The following SNTG1 variants were observed in gnomAD, a reference collection of about 807,000 sequenced individuals.
The protein encoded by SNTG1 is gamma-1-syntrophin.
SNTG1 carries 39 observed loss-of-function variants against 74.7 expected under a neutral mutation model. The ratio of observed to expected loss-of-function variants is 0.52; its 90% CI spans 0.40 to 0.68. The LOEUF is 0.68. SNTG1 is among the 30% of genes least tolerant of loss of function. SNTG1 has a pLI of 0.00. For missense variants in SNTG1, 685 were observed against 609.5 expected (o/e 1.12, Z -1.30); for synonymous variants, 254 against 217.1 (o/e 1.17, Z -1.49).
At chr8:49,990,343 T>C (rs768620636) in intron 1 of SNTG1, among the ~76,000 whole-genome samples, 8 of 151,984 alleles carry the variant, frequency 5.3e-5, no homozygotes, top group Admixed American at 2.0e-4. Context: ...TGGCAACACG[T>C]CCCATATTGA....
intron 1 of SNTG1, among the ~76,000 whole-genome samples, chr8:50,019,649 G>A (rs1040528568): frequency 5.9e-5 from 9 of 152,006 alleles, no homozygotes; most frequent in African/African-American, 2.2e-4. Context: ...AAAGAGACCT[G>A]ATAAAACTGA....
In SNTG1 at chr8:50,402,315, T is replaced by C. The variant is rs749782733; in HGVS notation, c.133T>C (p.Cys45Arg). The C allele has an allele frequency of 4.0e-5, 65 of 1,611,272 alleles. No individual in the cohort carries two copies. Among genetic ancestry groups the C allele is most frequent in the Non-Finnish European group, 5.3e-5 (63 of 1,179,402 alleles). Residue 45 changes from cysteine to arginine, a missense_variant, in exon 4 of 19, where the codon TGT becomes CGT. Cys to Arg is a radical substitution (Grantham distance 180, BLOSUM62 -3). Transcript: ENST00000642720. ...ILMIQEQDVI[C>R]VSGEPFYSGE... The stretch of plus-strand genomic sequence containing the variant: ...GATGATCCAGGAACAGGATGTGATA[T>C]GTGTGTCTGGTGAGCCTTTCTATTC...
rs1235760407 is a variant in SNTG1, at chr8:50,119,652, T to G, written c.-102-52909T>G. Among the ~76,000 whole-genome samples, 22 of 142,012 alleles carry G rather than the reference T, an allele frequency of 1.5e-4. 4 individuals carry two copies. Among genetic ancestry groups the G allele is most frequent in the Admixed American group, 1.2e-3 (16 of 13,774 alleles). 93.2% of individuals were successfully genotyped at this position (142,012 alleles called of 152,430 possible). A position where few individuals can be genotyped will look rare whatever the true frequency, so the allele number is the denominator to read the frequency against. ...GATGAGATAATAGGTAAACAGATAA[T>G]AGCTAGCATTGAGCTAGCTAGCTAT... On this transcript the variant is annotated intron_variant, in intron 1 of 18. Transcript: ENST00000642720.
chr8:50,199,863 A>T (rs1253144593), intron 2 of SNTG1, among the ~76,000 whole-genome samples: 1 of 152,120 alleles, frequency 6.6e-6, no homozygotes. Context: ...GGGAATATTG[A>T]TTCTGAAGTG....
At chr8:50,600,343 T>C (rs2094763495) in intron 13 of SNTG1, among the ~76,000 whole-genome samples, 1 of 152,104 alleles carries the variant, frequency 6.6e-6, no homozygotes, top group South Asian at 2.1e-4. Flanking sequence ...CACTTCTCCA[T>C]TTTTTGGAAG....
At chr8:50,773,162 C>A (rs984079537) in intron 18 of SNTG1, among the ~76,000 whole-genome samples, 10 of 152,096 alleles carry the variant, frequency 6.6e-5, no homozygotes, top group Non-Finnish European at 1.3e-4. Flanking sequence ...AAATTGCTAA[C>A]CTAAGTATTT....
intron 8 of SNTG1, among the ~76,000 whole-genome samples, chr8:50,461,036 AT>A (rs1325162080): frequency 3.9e-5 from 6 of 151,978 alleles, no homozygotes; most frequent in African/African-American, 1.2e-4. Context: ...CAGAATACAC[AT>A]TGCATTTAGT....
chr8:49,998,153 C>T (rs1341182196), intron 1 of SNTG1, among the ~76,000 whole-genome samples: 1 of 152,036 alleles, frequency 6.6e-6, no homozygotes, highest in East Asian at 1.9e-4. Flanking sequence ...ACATACATAA[C>T]ATAGGTAAAG....
chr8:49,941,754 G>A (rs1563375103), intron 1 of SNTG1, among the ~76,000 whole-genome samples: 2 of 151,960 alleles, frequency 1.3e-5, no homozygotes, highest in Admixed American at 1.3e-4. Context: ...CTAATTGAAG[G>A]GTAGGAAGCT....
At chr8:50,440,854 C>A (rs1478022938) in intron 5 of SNTG1, among the ~76,000 whole-genome samples, 1 of 152,162 alleles carries the variant, frequency 6.6e-6, no homozygotes, top group Non-Finnish European at 1.5e-5. Flanking sequence ...TTCCGCTGGA[C>A]TCAGAACACA....
intron 1 of SNTG1, among the ~76,000 whole-genome samples, chr8:49,961,183 TC>T (rs1324126956): frequency 2.0e-5 from 3 of 152,244 alleles, no homozygotes; most frequent in Non-Finnish European, 2.9e-5. Flanking sequence ...ACTATTTTTA[TC>T]CCCCCTCAGA....
At chr8:50,113,409 C>T (rs559636782) in intron 1 of SNTG1, among the ~76,000 whole-genome samples, 14 of 152,216 alleles carry the variant, frequency 9.2e-5, no homozygotes, top group African/African-American at 2.9e-4. Flanking sequence ...TATAAGAATG[C>T]TTGTGATTTT....
chr8:50,761,082 C>T (rs2095597305), intron 18 of SNTG1, among the ~76,000 whole-genome samples: 1 of 151,926 alleles, frequency 6.6e-6, no homozygotes, highest in South Asian at 2.1e-4. Context: ...AAGAAAATTT[C>T]AGGCCAATAT....
At chr8:50,613,396 G>A (rs1036874710) in intron 13 of SNTG1, among the ~76,000 whole-genome samples, 6 of 152,064 alleles carry the variant, frequency 3.9e-5, no homozygotes, top group Admixed American at 2.0e-4. Flanking sequence ...TGCCCTTAGA[G>A]GGCAATGATA....
chr8:50,735,870 A>G (rs930927336), intron 17 of SNTG1, among the ~76,000 whole-genome samples: 7 of 152,118 alleles, frequency 4.6e-5, no homozygotes, highest in Non-Finnish European at 8.8e-5. Flanking sequence ...GCAGCCAGAG[A>G]GAAAGGTCGG....
chr8:50,398,608 G>C (rs1003266365), intron 3 of SNTG1, among the ~76,000 whole-genome samples: 1 of 151,994 alleles, frequency 6.6e-6, no homozygotes, highest in African/African-American at 2.4e-5. Context: ...ATGTCATATT[G>C]TGTTTTATTA....
intron 2 of SNTG1, among the ~76,000 whole-genome samples, chr8:50,176,789 C>T (rs892252181): frequency 6.6e-6 from 1 of 152,172 alleles, no homozygotes; most frequent in Non-Finnish European, 1.5e-5. Context: ...CAAAGACTCT[C>T]TTAGTTGAGA....
chr8:50,587,055 A>G (rs1187697575), intron 12 of SNTG1, among the ~76,000 whole-genome samples: 1 of 152,038 alleles, frequency 6.6e-6, no homozygotes, highest in Non-Finnish European at 1.5e-5. Flanking sequence ...CATTAAACAT[A>G]AAATCAATTT....
At chr8:50,552,416 C>CA (rs1355047327) in intron 11 of SNTG1, among the ~76,000 whole-genome samples, 2 of 152,140 alleles carry the variant, frequency 1.3e-5, no homozygotes, top group Admixed American at 6.6e-5. Context: ...CTGATCATAG[C>CA]ATTTTAAGAA....
Sources: gnomAD v4.1 joint callset for allele counts (sites outside exome capture counted in the v4.1 genomes callset) on GRCh38, gnomAD v4.1.1 for gene constraint, MANE v1.5 for transcripts, NCBI Gene and HGNC (gene_info 2026-07-23, HGNC 2026-07-21) for gene names.